ZFAT: variants seen among roughly 807,000 people sequenced by gnomAD.
The protein encoded by ZFAT is zinc finger protein ZFAT.
A neutral mutation model predicts 117.7 loss-of-function variants in ZFAT; 64 were observed. That is an observed-to-expected ratio of 0.54 (90% CI 0.44 to 0.67). ZFAT has a LOEUF of 0.67. Ranked by LOEUF, ZFAT falls within the 30% of genes least tolerant of loss-of-function variation. ZFAT has a pLI of 0.00. For synonymous variants in ZFAT, 679 were observed against 615.0 expected, an observed-to-expected ratio of 1.10 and a Z score of -1.54; for missense variants, 1,433 against 1,584.5, an observed-to-expected ratio of 0.90 and a Z score of 1.62.
At chr8:134,665,554 C>G (rs1363073879) in intron 1 of ZFAT, among the ~76,000 whole-genome samples, 1 of 152,232 alleles carries the variant, frequency 6.6e-6, no homozygotes, top group Non-Finnish European at 1.5e-5. Context: ...AGCCCTTACA[C>G]TGGCTTTTAA....
At chr8:134,684,610 G>C (rs1833231108) in intron 1 of ZFAT, among the ~76,000 whole-genome samples, 1 of 152,148 alleles carries the variant, frequency 6.6e-6, no homozygotes, top group South Asian at 2.1e-4. Flanking sequence ...ACAGGGTAGG[G>C]ATATGTCTTA....
Position 134,618,492 on chromosome 8 carries a change from T to C in ZFAT, c.449-7837A>G, listed in dbSNP as rs780265560. On this transcript the variant is annotated intron_variant, in intron 3 of 15. Coordinates refer to ENST00000377838, the MANE Select transcript of ZFAT (RefSeq NM_020863.4). ...GTGACTAGGGAGGGCCAGGTCAACG[T>C]TGGGTCTGATTTCAAGTCTGCCTCT... Among the ~76,000 whole-genome samples the C allele has an allele frequency of 1.4e-4, 21 of 152,200 alleles. No individual in the cohort carries two copies. In the East Asian group the frequency reaches 3.1e-3, roughly 22 times the overall value.
chr8:134,692,354 TG>T, intron 1 of ZFAT, among the ~76,000 whole-genome samples: 1 of 152,316 alleles, frequency 6.6e-6, no homozygotes, highest in East Asian at 1.9e-4. Flanking sequence ...GACAAAGCAC[TG>T]GAAGAAAGAC....
intron 11 of ZFAT, among the ~76,000 whole-genome samples, chr8:134,551,299 T>C (rs1320301531): frequency 6.6e-6 from 1 of 152,220 alleles, no homozygotes; most frequent in Non-Finnish European, 1.5e-5. Flanking sequence ...GGCCTCAGTG[T>C]CCTAATCCGT....
At chr8:134,526,406 G>A (rs1367300728) in intron 12 of ZFAT, among the ~76,000 whole-genome samples, 1 of 152,046 alleles carries the variant, frequency 6.6e-6, no homozygotes, top group Non-Finnish European at 1.5e-5. Context: ...AAATTCTTAG[G>A]CAATGCACAG....
Position 134,485,191 on chromosome 8 carries a change from C to T in ZFAT, c.3493-6470G>A, listed in dbSNP as rs150994889. ...ACAAGCTGCCCTGGGGGGCTCTGCC[C>T]ACCCACTGGGTCCTGGGGAGTTATG... On this transcript the variant is annotated intron_variant, in intron 15 of 15. Coordinates refer to ENST00000377838, the MANE Select transcript of ZFAT (RefSeq NM_020863.4). Among the ~76,000 whole-genome samples the T allele has an allele frequency of 3.5e-4, 54 of 152,284 alleles. 1 individual carries two copies. The East Asian group carries it at 8.9e-3, about 25-fold the overall frequency.
At chr8:134,807,896 T>C in the ZFAT span, among the ~76,000 whole-genome samples, 1 of 152,098 alleles carries the variant, frequency 6.6e-6, no homozygotes, top group Non-Finnish European at 1.5e-5. Context: ...ATTTATAAAA[T>C]AGAAGGGTGT....
chr8:134,713,256 G>A (rs1211754879), upstream of ZFAT, among the ~76,000 whole-genome samples: 1 of 152,232 alleles, frequency 6.6e-6, no homozygotes, highest in Non-Finnish European at 1.5e-5. Context: ...GGATCTCGGG[G>A]TCAGGAGTCT....
intron 9 of ZFAT, among the ~76,000 whole-genome samples, chr8:134,585,280 C>T (rs1367412818): frequency 6.6e-6 from 1 of 152,092 alleles, no homozygotes; most frequent in Admixed American, 6.5e-5. Flanking sequence ...GCATTTCAAC[C>T]CCGAGTCAAA....
intron 15 of ZFAT, among the ~76,000 whole-genome samples, chr8:134,493,361 C>T (rs756035086): frequency 5.9e-5 from 9 of 152,112 alleles, no homozygotes; most frequent in Admixed American, 3.9e-4. Flanking sequence ...GAAGGGCCTT[C>T]GAAACAGGCT....
intron 15 of ZFAT, among the ~76,000 whole-genome samples, chr8:134,486,934 G>C (rs1423764145): frequency 3.9e-5 from 6 of 152,152 alleles, no homozygotes; most frequent in Non-Finnish European, 8.8e-5. Flanking sequence ...GTGCATGTGT[G>C]TATATGTGTG....
At chr8:134,515,032 C>G (rs756472894) in intron 13 of ZFAT, among the ~76,000 whole-genome samples, 1 of 152,164 alleles carries the variant, frequency 6.6e-6, no homozygotes, top group African/African-American at 2.4e-5. Context: ...TTGTTCAACT[C>G]CCATTTATGA....
intron 7 of ZFAT, among the ~76,000 whole-genome samples, chr8:134,593,685 A>G (rs1826692854): frequency 6.6e-6 from 1 of 152,240 alleles, no homozygotes; most frequent in Non-Finnish European, 1.5e-5. Flanking sequence ...GCTCCGGGCA[A>G]ACCTCATCTG....
chr8:134,791,057 G>A, the ZFAT span, among the ~76,000 whole-genome samples: 3 of 152,022 alleles, frequency 2.0e-5, no homozygotes, highest in Non-Finnish European at 4.4e-5. Flanking sequence ...TTCCCCTAAT[G>A]ACTTTAAAAG....
the ZFAT span, among the ~76,000 whole-genome samples, chr8:134,832,104 G>GGGGACGCGCCAGCGCCAGGGTGA: frequency 7.3e-6 from 1 of 137,852 alleles, no homozygotes; most frequent in East Asian, 3.3e-4. Flanking sequence ...GAGAGGGCGC[G>GGGGACGCGCCAGCGCCAGGGTGA]GGGACGCGCC....
chr8:134,681,266 A>AG (rs1833057830), intron 1 of ZFAT, among the ~76,000 whole-genome samples: 1 of 152,162 alleles, frequency 6.6e-6, no homozygotes, highest in Non-Finnish European at 1.5e-5. Context: ...TGGGGTCTGA[A>AG]GGGCTGGCTG....
chr8:134,776,832 A>G, the ZFAT span, among the ~76,000 whole-genome samples: 4 of 152,238 alleles, frequency 2.6e-5, no homozygotes, highest in Non-Finnish European at 5.9e-5. Flanking sequence ...TCCAAGATGC[A>G]GAGTGGTATC....
chr8:134,774,670 G>C, the ZFAT span, among the ~76,000 whole-genome samples: 6 of 152,160 alleles, frequency 3.9e-5, no homozygotes, highest in Non-Finnish European at 8.8e-5. Context: ...CAAAAAACTT[G>C]ACCTTCTTTA....
chr8:134,505,826 A>G (rs1164769605), intron 15 of ZFAT, among the ~76,000 whole-genome samples: 1 of 152,222 alleles, frequency 6.6e-6, no homozygotes, highest in Non-Finnish European at 1.5e-5. Flanking sequence ...GAATTGTAAG[A>G]CAGTATCAGT....
Sources: gnomAD v4.1 joint callset for allele counts (sites outside exome capture counted in the v4.1 genomes callset) on GRCh38, gnomAD v4.1.1 for gene constraint, MANE v1.5 for transcripts, NCBI Gene and HGNC (gene_info 2026-07-23, HGNC 2026-07-21) for gene names.